ACSM3: variants seen among roughly 807,000 people sequenced by gnomAD.
The protein encoded by ACSM3 is acyl-coenzyme A synthetase ACSM3, mitochondrial.
A neutral mutation model predicts 74.1 loss-of-function variants in ACSM3; 61 were observed. The observed-to-expected ratio is 0.82, with a 90% CI of 0.67 to 1.02. The LOEUF (loss-of-function observed/expected upper bound fraction) is 1.02, where lower values mean the gene tolerates loss of function less well. ACSM3 is among the 50% of genes least tolerant of loss of function. The pLI is 0.00. For missense variants in ACSM3, 660 were observed against 697.0 expected, an observed-to-expected ratio of 0.95 and a Z score of 0.60; for synonymous variants, 213 against 241.5, an observed-to-expected ratio of 0.88 and a Z score of 1.09.
At chr16:20,689,892 A>C (rs2079621726) in intron 1 of ACSM3, among the ~76,000 whole-genome samples, 1 of 152,138 alleles carries the variant, frequency 6.6e-6, no homozygotes, top group Non-Finnish European at 1.5e-5. Flanking sequence ...CTGGACCCAA[A>C]CCCTGCTCTC....
chr16:20,678,658 T>C (rs2079367685), intron 1 of ACSM3, among the ~76,000 whole-genome samples: 1 of 152,240 alleles, frequency 6.6e-6, no homozygotes, highest in Non-Finnish European at 1.5e-5. Context: ...GATCTCACAA[T>C]GGACCAACAT....
rs145354182 is a variant in ACSM3 at position 20,792,393 on chromosome 16, C to T, written c.1554+58C>T. 8 of 1,598,092 alleles carry T rather than the reference C, an allele frequency of 5.0e-6. No homozygotes were observed. The African/African-American group carries it at 9.4e-5, about 19-fold the overall frequency. ...TTGTTGGCAATTTAACACATACTTA[C>T]AAACAGTAGCTCAGTGAAACAGAAT... On this transcript the variant is annotated intron_variant, in intron 12 of 13. Coordinates refer to ENST00000289416, the MANE Select transcript of ACSM3 (RefSeq NM_005622.4).
At chr16:20,705,840 G>A (rs187227513) in intron 1 of ACSM3, among the ~76,000 whole-genome samples, 6 of 152,198 alleles carry the variant, frequency 3.9e-5, no homozygotes, top group African/African-American at 1.2e-4. Flanking sequence ...TATGCTCAAG[G>A]ACTAAAAAAT....
At chr16:20,774,655 T>C (rs2080234106) in intron 2 of ACSM3, among the ~76,000 whole-genome samples, 1 of 152,222 alleles carries the variant, frequency 6.6e-6, no homozygotes, top group South Asian at 2.1e-4. Context: ...AACTGGGGAA[T>C]TTAAACTGTT....
chr16:20,727,381 G>A (rs2079810304), intron 1 of ACSM3: 2 of 583,694 alleles, frequency 3.4e-6, no homozygotes, highest in East Asian at 5.4e-5. Flanking sequence ...TTGACAGGAG[G>A]GGAGGCCCTC....
chr16:20,781,696 T>C lies in ACSM3; in HGVS notation c.940-12T>C. 2 of 1,605,618 alleles carry C rather than the reference T, an allele frequency of 1.2e-6. No individual in the cohort carries two copies. Among genetic ancestry groups the C allele is most frequent in the Non-Finnish European group, 1.7e-6 (2 of 1,172,364 alleles). On this transcript the variant is annotated splice_polypyrimidine_tract_variant and intron_variant, in intron 6 of 13. Transcript: ENST00000289416. ...GTAGTAAGACCAAGAGTTTGCTTTT[T>C]CTAAATTGCAGACACTCTCCAAGTA...
chr16:20,758,722 AG>A (rs2080051919), intron 3 of ACSM3, among the ~76,000 whole-genome samples: 1 of 150,740 alleles, frequency 6.6e-6, no homozygotes, highest in Admixed American at 6.6e-5. Context: ...TTGTGATGTT[AG>A]GGTGTCAATT....
intron 9 of ACSM3, chr16:20,789,689 T>C (rs1003588126): frequency 2.5e-4 from 146 of 587,250 alleles, no homozygotes; most frequent in East Asian, 2.1e-3. Flanking sequence ...TTTTTCTTTT[T>C]TTTTTTTTTT....
At chr16:20,716,068 A>G (rs1046471768) in intron 1 of ACSM3, among the ~76,000 whole-genome samples, 1 of 152,140 alleles carries the variant, frequency 6.6e-6, no homozygotes, top group African/African-American at 2.4e-5. Context: ...AGTGAAATCT[A>G]TGAACCTTCT....
intron 2 of ACSM3, among the ~76,000 whole-genome samples, chr16:20,773,370 TTTA>T (rs1420619338): frequency 1.3e-5 from 2 of 152,200 alleles, no homozygotes; most frequent in Non-Finnish European, 2.9e-5. Context: ...TGCTCTGATC[TTTA>T]TTATTTCTTT....
rs536266707 is a variant in ACSM3, at chr16:20,752,139, G to C, written c.-96+2136G>C. Among the ~76,000 whole-genome samples, 3 of 152,064 alleles carry C rather than the reference G, an allele frequency of 2.0e-5. No homozygotes were observed. The East Asian group carries it at 5.8e-4, about 29-fold the overall frequency. On this transcript the variant is annotated intron_variant, in intron 2 of 3. Transcript: ENST00000561584. The stretch of plus-strand genomic sequence containing the variant: ...CGGGAGGCAGAGCTTGCAGTTAGCC[G>C]AGACTGCACCACTACTCTCCAGCCT...
At chr16:20,760,922 C>T (rs2080071716), upstream of ACSM3, among the ~76,000 whole-genome samples, 1 of 152,162 alleles carries the variant, frequency 6.6e-6, no homozygotes, top group South Asian at 2.1e-4. Flanking sequence ...AGAACCTTGG[C>T]TTCCGCAACC....
chr16:20,737,140 C>T (rs1159608532), intron 1 of ACSM3: 1 of 1,614,098 alleles, frequency 6.2e-7, no homozygotes, highest in African/African-American at 1.3e-5. Context: ...GGGCTCTTCA[C>T]CACCTCCTGG....
At chr16:20,775,077 C>T (rs953556965) in intron 2 of ACSM3, among the ~76,000 whole-genome samples, 8 of 123,590 alleles carry the variant, frequency 6.5e-5, no homozygotes, top group Non-Finnish European at 9.1e-5. Flanking sequence ...TGTGTAGGCT[C>T]GGGTGCCAGT....
chr16:20,773,543 G>C (rs1232973333), intron 2 of ACSM3, among the ~76,000 whole-genome samples: 1 of 151,976 alleles, frequency 6.6e-6, no homozygotes, highest in Admixed American at 6.6e-5. Flanking sequence ...CATTGATTTT[G>C]ATATATTATG....
chr16:20,761,388 A>G (rs565713004), upstream of ACSM3, among the ~76,000 whole-genome samples: 8 of 152,316 alleles, frequency 5.3e-5, no homozygotes, highest in East Asian at 3.9e-4. Flanking sequence ...ATAAACCTCT[A>G]AATTAATTGA....
At chr16:20,741,313 C>T (rs1255145779) in intron 1 of ACSM3, among the ~76,000 whole-genome samples, 1 of 152,202 alleles carries the variant, frequency 6.6e-6, no homozygotes, top group Non-Finnish European at 1.5e-5. Flanking sequence ...GCAAGCACTT[C>T]AAGCACAAAA....
intron 12 of ACSM3, chr16:20,792,715 G>A: frequency 1.0e-6 from 1 of 985,408 alleles, no homozygotes; most frequent in Non-Finnish European, 1.2e-6. Context: ...CTGGTGTAGT[G>A]AAGGAGAATG....
rs2301770 is a variant in ACSM3, at chr16:20,790,850, C to T, written c.1326+162C>T. The T allele has an allele frequency of 0.077, 124,163 of 1,613,764 alleles. 5,358 individuals carry two copies. The highest frequency in any genetic ancestry group is 0.15 in the East Asian group (6,806 of 44,858). On this transcript the variant is annotated intron_variant, in intron 10 of 13. Coordinates refer to ENST00000289416, the MANE Select transcript of ACSM3 (RefSeq NM_005622.4). The surrounding 1 kb of genome is among the most constrained non-coding windows in gnomAD (Gnocchi z 4.0). ...AAAAGACAAGAAATTGAAGAAATAC[C>T]CAAATTCTTGCTGAAGAAAAGCATG...
Sources: gnomAD v4.1 joint callset for allele counts (sites outside exome capture counted in the v4.1 genomes callset) on GRCh38, gnomAD v4.1.1 for gene constraint, Gnocchi (gnomAD v3.1) non-coding constraint, MANE v1.5 for transcripts, NCBI Gene and HGNC (gene_info 2026-07-23, HGNC 2026-07-21) for gene names.